The following IGSF21 variants were observed in gnomAD, a reference collection of about 807,000 sequenced individuals.
The protein encoded by IGSF21 is immunoglobin superfamily member 21.
In IGSF21, 28 loss-of-function variants were observed where a neutral mutation model predicts 46.8. The ratio of observed to expected loss-of-function variants is 0.60; its 90% CI spans 0.44 to 0.82. IGSF21 has a LOEUF of 0.82. Among genes scored for constraint, IGSF21 ranks in the 40% least tolerant of loss-of-function variants. The pLI is 0.00. For missense variants in IGSF21, 624 were observed against 665.5 expected, an observed-to-expected ratio of 0.94 and a Z score of 0.69; for synonymous variants, 284 against 273.6, an observed-to-expected ratio of 1.04 and a Z score of -0.38.
intron 2 of IGSF21, among the ~76,000 whole-genome samples, chr1:18,252,044 C>CGT (rs2124527983): frequency 1.0e-5 from 1 of 98,996 alleles, no homozygotes; most frequent in African/African-American, 3.5e-5. Context: ...CTGACCAAGG[C>CGT]GTTTTTTTTT....
chr1:18,348,363 A>G (rs2085916077), intron 4 of IGSF21, among the ~76,000 whole-genome samples: 2 of 152,158 alleles, frequency 1.3e-5, no homozygotes, highest in African/African-American at 4.8e-5. Flanking sequence ...TGTCTCACAT[A>G]CCAGGGCTCC....
At chr1:18,200,057 G>T (rs1450967076) in intron 1 of IGSF21, among the ~76,000 whole-genome samples, 1 of 152,152 alleles carries the variant, frequency 6.6e-6, no homozygotes, top group Non-Finnish European at 1.5e-5. Flanking sequence ...TTCTCCTGCT[G>T]GCTGGAAGAC....
intron 3 of IGSF21, among the ~76,000 whole-genome samples, chr1:18,304,730 T>TAC (rs59328124): frequency 0.13 from 17,116 of 128,218 alleles, 2,680 homozygotes; most frequent in African/African-American, 0.45. Flanking sequence ...CACACACACA[T>TAC]ACACACACAC....
intron 4 of IGSF21, among the ~76,000 whole-genome samples, chr1:18,352,667 G>T (rs1356953488): frequency 6.6e-6 from 1 of 152,202 alleles, no homozygotes; most frequent in African/African-American, 2.4e-5. Flanking sequence ...GGTCCGCTCT[G>T]CCCGGCTTCA....
chr1:18,364,504 C>T (rs4920488), intron 5 of IGSF21, among the ~76,000 whole-genome samples: 41,176 of 150,598 alleles, frequency 0.27, 6,652 homozygotes, highest in East Asian at 0.4. Context: ...GCCCCCCTAT[C>T]GATTTATTTA....
chr1:18,192,969 A>T (rs1467137315), intron 1 of IGSF21, among the ~76,000 whole-genome samples: 1 of 152,046 alleles, frequency 6.6e-6, no homozygotes, highest in East Asian at 1.9e-4. Context: ...ATAAGGCAAC[A>T]CTGGAATCCT....
At chr1:18,226,200 G>A (rs2084564657) in intron 1 of IGSF21, among the ~76,000 whole-genome samples, 1 of 152,188 alleles carries the variant, frequency 6.6e-6, no homozygotes, top group Admixed American at 6.5e-5. Flanking sequence ...CATCCAGGCT[G>A]GATCAGATTC....
chr1:18,333,180 A>G (rs2085731879), intron 3 of IGSF21, among the ~76,000 whole-genome samples: 1 of 152,164 alleles, frequency 6.6e-6, no homozygotes, highest in Non-Finnish European at 1.5e-5. Context: ...CAGGCAGGTT[A>G]GTCAGGTAAG....
intron 1 of IGSF21, among the ~76,000 whole-genome samples, chr1:18,196,365 C>T (rs541715893): frequency 1.3e-5 from 2 of 152,218 alleles, no homozygotes; most frequent in South Asian, 4.2e-4. Flanking sequence ...CTCCATCTGA[C>T]CTAATGGCAG....
At chr1:18,273,952 G>C (rs576029218) in intron 2 of IGSF21, among the ~76,000 whole-genome samples, 1 of 152,208 alleles carries the variant, frequency 6.6e-6, no homozygotes, top group African/African-American at 2.4e-5. Context: ...TCCCAGCTTC[G>C]CCACTAGTCT....
intron 1 of IGSF21, chr1:18,110,039 C>G (rs116554515): frequency 0.017 from 2,526 of 152,358 alleles, 26 homozygotes; most frequent in East Asian, 0.049. Flanking sequence ...TCTGGCTGCC[C>G]GGCTGCAGAG....
intron 3 of IGSF21, among the ~76,000 whole-genome samples, chr1:18,305,612 G>A (rs1409115248): frequency 6.6e-6 from 1 of 151,464 alleles, no homozygotes; most frequent in Non-Finnish European, 1.5e-5. Context: ...ATAGATGGAT[G>A]GATGGATGGA....
At chr1:18,285,557 C>CAG (rs984069187) in intron 2 of IGSF21, among the ~76,000 whole-genome samples, 3 of 152,120 alleles carry the variant, frequency 2.0e-5, no homozygotes, top group Admixed American at 6.5e-5. Context: ...AACTGGGTCC[C>CAG]AGAGAGAGGA....
At chr1:18,136,811 G>C (rs1231309189) in intron 1 of IGSF21, among the ~76,000 whole-genome samples, 3 of 152,194 alleles carry the variant, frequency 2.0e-5, no homozygotes, top group Non-Finnish European at 4.4e-5. Context: ...TTGGTAGCTT[G>C]ATGGGGATGG....
rs550554804 is a variant in IGSF21, at chr1:18,179,829, T to C, written c.71-48069T>C. 4.6e-5 allele frequency among the ~76,000 whole-genome samples: 7 copies of C among 152,282 alleles called. No homozygotes were observed. In the South Asian group the frequency reaches 1.5e-3, roughly 32 times the overall value. On this transcript the variant is annotated intron_variant, in intron 1 of 9. Transcript: ENST00000251296. ...AGTAAGAATCATCAATTTCTATGAATAACAAAAGTAATAATAATGAGTATG... is the reference window on the plus strand; with the variant it reads ...AGTAAGAATCATCAATTTCTATGAACAACAAAAGTAATAATAATGAGTATG...
intron 3 of IGSF21, among the ~76,000 whole-genome samples, chr1:18,323,768 CCA>C (rs1272115525): frequency 1.3e-5 from 2 of 152,092 alleles, no homozygotes; most frequent in African/African-American, 4.8e-5. Flanking sequence ...CCAGTGGATG[CCA>C]CAGATATTTT....
intron 2 of IGSF21, among the ~76,000 whole-genome samples, chr1:18,277,711 A>G (rs973224797): frequency 1.3e-5 from 2 of 152,230 alleles, no homozygotes; most frequent in African/African-American, 4.8e-5. Flanking sequence ...GGAATAAACC[A>G]TGGTACACAC....
At chr1:18,230,711 C>G (rs2084616495) in intron 2 of IGSF21, among the ~76,000 whole-genome samples, 1 of 152,066 alleles carries the variant, frequency 6.6e-6, no homozygotes, top group Admixed American at 6.5e-5. Context: ...GTGATTGTCT[C>G]TCTTCCCAAA....
chr1:18,189,279 A>G (rs1282453061), intron 1 of IGSF21, among the ~76,000 whole-genome samples: 4 of 152,182 alleles, frequency 2.6e-5, no homozygotes, highest in African/African-American at 9.6e-5. Flanking sequence ...TCATGAGTTT[A>G]TTCAGAGAGA....
Sources: allele counts gnomAD v4.1 joint callset (sites outside exome capture counted in the v4.1 genomes callset), GRCh38; gene constraint gnomAD v4.1.1; transcripts MANE v1.5; gene names NCBI Gene and HGNC (gene_info 2026-07-23, HGNC 2026-07-21).